PHF24: variants seen among roughly 807,000 people sequenced by gnomAD.
The protein encoded by PHF24 is PHD finger protein 24, also known as Galpha inhibitory interacting protein.
Under a neutral mutation model 42.6 loss-of-function variants are expected in PHF24, and 25 were observed. The observed-to-expected ratio is 0.59, with a 90% CI of 0.43 to 0.82. The LOEUF (loss-of-function observed/expected upper bound fraction) is 0.82. PHF24 is among the 40% of genes least tolerant of loss of function. The pLI is 0.00. For synonymous variants in PHF24, 185 were observed against 204.8 expected (o/e 0.90, Z 0.83); for missense variants, 470 against 538.1 (o/e 0.87, Z 1.25).
At chr9:34,875,934 ACACACACACACACACACTCT>A in the PHF24 span, among the ~76,000 whole-genome samples, 2 of 78,158 alleles carry the variant, frequency 2.6e-5, no homozygotes, top group African/African-American at 5.1e-5. Context: ...ACACACACAC[ACACACACACACACACACTCT>A]CTCTCTCTCT....
the PHF24 span, among the ~76,000 whole-genome samples, chr9:34,668,834 CAA>C: frequency 6.6e-6 from 1 of 152,172 alleles, no homozygotes. Context: ...AGACAGAACT[CAA>C]AGTCATCCCT....
At chr9:34,824,233 A>G in the PHF24 span, among the ~76,000 whole-genome samples, 1 of 152,320 alleles carries the variant, frequency 6.6e-6, no homozygotes, top group South Asian at 2.1e-4. Flanking sequence ...GACAAGGGTC[A>G]CAGAGTCTGG....
At chr9:34,927,880 C>T in the PHF24 span, among the ~76,000 whole-genome samples, 2 of 152,206 alleles carry the variant, frequency 1.3e-5, no homozygotes, top group African/African-American at 4.8e-5. Flanking sequence ...GCCAATGTCA[C>T]TATTGAAGGA....
the PHF24 span, chr9:34,681,404 G>C: frequency 6.6e-6 from 1 of 152,212 alleles, no homozygotes; most frequent in African/African-American, 2.4e-5. Flanking sequence ...CAATATCTTG[G>C]ATTTAGAAGC....
the PHF24 span, among the ~76,000 whole-genome samples, chr9:34,745,423 GAAAAA>G: frequency 2.6e-5 from 4 of 151,870 alleles, no homozygotes; most frequent in Non-Finnish European, 5.9e-5. Context: ...GTAGGAGAAT[GAAAAA>G]AGCGGTGGGG....
chr9:34,746,936 A>G, the PHF24 span, among the ~76,000 whole-genome samples: 1 of 152,170 alleles, frequency 6.6e-6, no homozygotes, highest in Non-Finnish European at 1.5e-5. Flanking sequence ...GTTAGGAAAA[A>G]TTTCTTAAAA....
the PHF24 span, among the ~76,000 whole-genome samples, chr9:34,925,395 C>G: frequency 1.3e-5 from 2 of 152,156 alleles, no homozygotes; most frequent in Non-Finnish European, 2.9e-5. Context: ...GTCTATTTCT[C>G]TTCCAAGACA....
the PHF24 span, among the ~76,000 whole-genome samples, chr9:34,828,527 G>A: frequency 6.6e-6 from 1 of 152,108 alleles, no homozygotes; most frequent in Admixed American, 6.6e-5. Context: ...TTGAATACGT[G>A]ATTATACTTG....
the PHF24 span, among the ~76,000 whole-genome samples, chr9:34,815,362 A>G: frequency 2.0e-5 from 3 of 152,242 alleles, no homozygotes; most frequent in Admixed American, 2.0e-4. Context: ...TCGCTCTGTC[A>G]CCCAGGCTGG....
At chr9:34,894,244 A>G in the PHF24 span, among the ~76,000 whole-genome samples, 1 of 152,156 alleles carries the variant, frequency 6.6e-6, no homozygotes, top group Non-Finnish European at 1.5e-5. Context: ...CCAAAGCAGA[A>G]TTGGGTGACC....
the PHF24 span, among the ~76,000 whole-genome samples, chr9:34,674,280 G>GTGTCCATCTGCCCATC: frequency 9.2e-5 from 14 of 152,184 alleles, no homozygotes; most frequent in Non-Finnish European, 1.2e-4. Context: ...TTACCTGTAT[G>GTGTCCATCTGCCCATC]TGTCCATCTG....
At chr9:34,862,292 G>T in the PHF24 span, among the ~76,000 whole-genome samples, 1 of 152,146 alleles carries the variant, frequency 6.6e-6, no homozygotes, top group Non-Finnish European at 1.5e-5. Context: ...GACTTGAGGG[G>T]CACGTGACCT....
rs531567950 is a variant in PHF24 at position 34,972,089 on chromosome 9, T to G, written c.379-257T>G. The stretch of plus-strand genomic sequence containing the variant: ...GTCCTGCAATGCCTGGAACAATCTC[T>G]CACAACAGATTGTTCTTTCTAAAAG... On this transcript the variant is annotated intron_variant, in intron 2 of 7. Transcript: ENST00000242315. 2.6e-5 allele frequency among the ~76,000 whole-genome samples: 4 copies of G among 152,290 alleles called. No individual in the cohort carries two copies. In the South Asian group the frequency reaches 8.3e-4, roughly 32 times the overall value.
the PHF24 span, among the ~76,000 whole-genome samples, chr9:34,844,527 G>A: frequency 6.8e-4 from 104 of 151,986 alleles, no homozygotes; most frequent in Non-Finnish European, 1.2e-3. Flanking sequence ...TTTCCCTTGT[G>A]ATTTATTTGA....
chr9:34,943,776 A>T, the PHF24 span, among the ~76,000 whole-genome samples: 491 of 152,292 alleles, frequency 3.2e-3, 3 homozygotes, highest in Non-Finnish European at 4.8e-3. Flanking sequence ...TGTCCCTCAG[A>T]CCTTGAAGGT....
the PHF24 span, among the ~76,000 whole-genome samples, chr9:34,859,700 C>G: frequency 6.6e-6 from 1 of 152,010 alleles, no homozygotes; most frequent in Non-Finnish European, 1.5e-5. Flanking sequence ...TTCAAGTAAT[C>G]CTTATAAGCT....
At chr9:34,917,083 C>T in the PHF24 span, 2 of 723,706 alleles carry the variant, frequency 2.8e-6, no homozygotes, top group Admixed American at 3.5e-5. Context: ...GTGTGAGCAG[C>T]ACAGAGGCCT....
chr9:34,939,306 G>A, the PHF24 span, among the ~76,000 whole-genome samples: 1 of 152,138 alleles, frequency 6.6e-6, no homozygotes, highest in African/African-American at 2.4e-5. Context: ...AAAATAATGG[G>A]TAAATTTATA....
chr9:34,898,454 G>A, the PHF24 span, among the ~76,000 whole-genome samples: 1 of 152,106 alleles, frequency 6.6e-6, no homozygotes, highest in East Asian at 1.9e-4. Flanking sequence ...CCTACAAAAG[G>A]AAACTAGATC....
Sources: allele counts gnomAD v4.1 joint callset (sites outside exome capture counted in the v4.1 genomes callset), GRCh38; gene constraint gnomAD v4.1.1; transcripts MANE v1.5; gene names NCBI Gene and HGNC (gene_info 2026-07-23, HGNC 2026-07-21).